The following DLGAP2 variants were observed in gnomAD, a reference collection of about 807,000 sequenced individuals.
The protein encoded by DLGAP2 is disks large-associated protein 2.
DLGAP2 carries 26 observed loss-of-function variants against 100.3 expected under a neutral mutation model. The observed-to-expected ratio is 0.26, with a 90% confidence interval of 0.19 to 0.36. The LOEUF is 0.36. Among genes scored for constraint, DLGAP2 ranks in the 10% least tolerant of loss-of-function variants. The pLI is 1.00. For synonymous variants in DLGAP2, 886 were observed against 630.1 expected, an observed-to-expected ratio of 1.41 and a Z score of -6.08; for missense variants, 1,858 against 1,453.2, an observed-to-expected ratio of 1.28 and a Z score of -4.53.
At chr8:1,670,262 CTCATACAGTTAAG>C in intron 10 of DLGAP2, among the ~76,000 whole-genome samples, 1 of 152,354 alleles carries the variant, frequency 6.6e-6, no homozygotes, top group Non-Finnish European at 1.5e-5. Flanking sequence ...ATTTTGGAAA[CTCATACAGTTAAG>C]TCAGCACGCT....
At chr8:897,059 A>C (rs1162488995) in intron 1 of DLGAP2, among the ~76,000 whole-genome samples, 2 of 152,136 alleles carry the variant, frequency 1.3e-5, no homozygotes, top group Non-Finnish European at 2.9e-5. Flanking sequence ...CATCGGAGGA[A>C]ACCCCCTCAC....
At chr8:1,513,584 G>A (rs1339050540) in intron 4 of DLGAP2, among the ~76,000 whole-genome samples, 3 of 152,224 alleles carry the variant, frequency 2.0e-5, no homozygotes, top group Non-Finnish European at 2.9e-5. Context: ...CTGGAAAATT[G>A]CAGCATTGAA....
intron 3 of DLGAP2, chr8:1,368,718 T>G (rs1802168110): frequency 6.6e-6 from 1 of 152,226 alleles, no homozygotes; most frequent in African/African-American, 2.4e-5. Context: ...CGTTACCTCA[T>G]TAGCTGGTGA....
At chr8:1,079,276 T>C (rs1048935392) in intron 2 of DLGAP2, among the ~76,000 whole-genome samples, 17 of 152,230 alleles carry the variant, frequency 1.1e-4, no homozygotes, top group Admixed American at 8.5e-4. Context: ...TAAGAGTTAT[T>C]CATATATTTT....
At chr8:1,637,306 G>A (rs991059926) in intron 8 of DLGAP2, among the ~76,000 whole-genome samples, 7 of 152,116 alleles carry the variant, frequency 4.6e-5, no homozygotes, top group African/African-American at 1.7e-4. Context: ...AGCAGCTGGA[G>A]GTTCTGTGAG....
At chr8:976,377 C>T (rs528775740) in intron 2 of DLGAP2, among the ~76,000 whole-genome samples, 26 of 151,930 alleles carry the variant, frequency 1.7e-4, no homozygotes, top group Non-Finnish European at 2.5e-4. Flanking sequence ...TTTGGGAGAT[C>T]GAGGCGGGCG....
At chr8:1,253,592 G>A (rs1430167106) in intron 2 of DLGAP2, among the ~76,000 whole-genome samples, 1 of 152,174 alleles carries the variant, frequency 6.6e-6, no homozygotes, top group African/African-American at 2.4e-5. Context: ...AAAACACTGG[G>A]CTGGGCGTTT....
At chr8:1,540,053 T>C (rs547649336) in intron 4 of DLGAP2, among the ~76,000 whole-genome samples, 56 of 152,278 alleles carry the variant, frequency 3.7e-4, no homozygotes, top group Non-Finnish European at 6.5e-4. Context: ...TTGCCTGCTC[T>C]CCCTGTGGTC....
chr8:1,190,917 C>CTACAA (rs1797620698), intron 2 of DLGAP2, among the ~76,000 whole-genome samples: 1 of 152,114 alleles, frequency 6.6e-6, no homozygotes, highest in Non-Finnish European at 1.5e-5. Context: ...CACCATGCTT[C>CTACAA]TCCTATGGAA....
At chr8:1,290,393 C>T (rs765323123) in intron 3 of DLGAP2, among the ~76,000 whole-genome samples, 3 of 152,172 alleles carry the variant, frequency 2.0e-5, no homozygotes, top group African/African-American at 4.8e-5. Flanking sequence ...GTTTGAACAT[C>T]GGGCTGTCTG....
chr8:1,085,764 T>A (rs972465596), intron 2 of DLGAP2, among the ~76,000 whole-genome samples: 2 of 152,226 alleles, frequency 1.3e-5, no homozygotes, highest in African/African-American at 2.4e-5. Context: ...TTTTTGTGGT[T>A]CCATATGAGT....
intron 2 of DLGAP2, among the ~76,000 whole-genome samples, chr8:926,308 C>G (rs543608642): frequency 1.3e-5 from 2 of 152,322 alleles, no homozygotes; most frequent in African/African-American, 4.8e-5. Flanking sequence ...CTTTCCCGTT[C>G]TTCCTTCCCA....
chr8:872,744 A>G (rs1025658584), intron 1 of DLGAP2, among the ~76,000 whole-genome samples: 2 of 152,334 alleles, frequency 1.3e-5, no homozygotes, highest in East Asian at 1.9e-4. Context: ...GGTACATGCA[A>G]CTATCACCAC....
At chr8:1,266,879 G>A (rs1384897343) in intron 3 of DLGAP2, among the ~76,000 whole-genome samples, 1 of 152,048 alleles carries the variant, frequency 6.6e-6, no homozygotes, top group Non-Finnish European at 1.5e-5. Context: ...GCTCATTAAT[G>A]CGTTATCCCA....
At chr8:1,236,207 C>CACATGGCGCCGTGTCTAGTTCTCTA (rs1798649286) in intron 2 of DLGAP2, among the ~76,000 whole-genome samples, 1 of 106,764 alleles carries the variant, frequency 9.4e-6, no homozygotes, top group African/African-American at 3.8e-5. Flanking sequence ...CTAGTTCTCT[C>CACATGGCGCCGTGTCTAGTTCTCTA]ACATGGCGCC....
Position 1,666,228 on chromosome 8 carries a change from A to G in DLGAP2, c.1811-2101A>G, listed in dbSNP as rs553257029. Reference sequence around the variant, plus strand: ...AAGGCATTGATTGACGTTAGAGGGAAAAGTCAGGAACAAAAGAAAAAAAGA... The same window carrying G: ...AAGGCATTGATTGACGTTAGAGGGAGAAGTCAGGAACAAAAGAAAAAAAGA... On this transcript the variant is annotated intron_variant, in intron 8 of 14. Transcript: ENST00000637795. 3.9e-5 allele frequency among the ~76,000 whole-genome samples: 6 copies of G among 152,316 alleles called. No homozygotes were observed. In the South Asian group the frequency reaches 1.2e-3, roughly 32 times the overall value.
chr8:788,163 G>A (rs1821925823), intron 1 of DLGAP2, among the ~76,000 whole-genome samples: 1 of 152,256 alleles, frequency 6.6e-6, no homozygotes, highest in African/African-American at 2.4e-5. Context: ...TAGAAGATGG[G>A]TGAAGGATGA....
intron 2 of DLGAP2, among the ~76,000 whole-genome samples, chr8:954,750 G>T (rs1267016896): frequency 6.6e-6 from 1 of 152,178 alleles, no homozygotes; most frequent in African/African-American, 2.4e-5. Flanking sequence ...CATGACACTG[G>T]TTAGCCTGGG....
rs184030298 is a variant in DLGAP2 at position 1,489,676 on chromosome 8, G to A, written c.107-11690G>A. On this transcript the variant is annotated intron_variant, in intron 3 of 14. Coordinates refer to ENST00000637795, the MANE Select transcript of DLGAP2 (RefSeq NM_001346810.2). Reference sequence around the variant, plus strand: ...AACACGGCCATAATTCCGCTCATCAGAGCCCATCGCTGTGAGCATCTTGGT... The same window carrying A: ...AACACGGCCATAATTCCGCTCATCAAAGCCCATCGCTGTGAGCATCTTGGT... Among the ~76,000 whole-genome samples the A allele has an allele frequency of 3.9e-5, 6 of 152,314 alleles. No homozygotes were observed. In the East Asian group the frequency reaches 1.2e-3, roughly 29 times the overall value.
Sources: gnomAD v4.1 joint callset for allele counts (sites outside exome capture counted in the v4.1 genomes callset) on GRCh38, gnomAD v4.1.1 for gene constraint, MANE v1.5 for transcripts, NCBI Gene and HGNC (gene_info 2026-07-23, HGNC 2026-07-21) for gene names.